The following CCER1 variants were observed in gnomAD, a reference collection of about 807,000 sequenced individuals.
CCER1 encodes the protein coiled-coil domain-containing glutamate-rich protein 1.
For missense variants in CCER1, 573 were observed against 524.5 expected, an observed-to-expected ratio of 1.09 and a Z score of -0.90; for synonymous variants, 246 against 213.8, an observed-to-expected ratio of 1.15 and a Z score of -1.31.
At position 90,953,612 on chromosome 12, in the gene CCER1, G is replaced by A. The variant is rs764042876; in HGVS notation, c.1131C>T (p.Asn377=). 7 of 1,613,992 alleles carry A rather than the reference G, an allele frequency of 4.3e-6. No homozygotes were observed. Among genetic ancestry groups the A allele is most frequent in the Admixed American group, 1.7e-5 (1 of 59,990 alleles). The part of the protein sequence containing the change: ...IFVEAEEKRE[N]FISCTFLNPE... ...GGTTTAAAAAAGTGCAGCTTATAAA[G>A]TTCTCTCTCTTTTCTTCAGCCTCTA... Residue 377 remains asparagine (N), a synonymous_variant, in exon 1 of 1, where the codon AAC becomes AAT. Transcript: ENST00000358859.
In CCER1 at chr12:90,953,783, TTCTTCCTCCTCATCTTCGACC is replaced by T. The variant is rs374196591; in HGVS notation, c.939_959del (p.Val314_Glu320del). 0.014 allele frequency: 21,042 copies of T among 1,541,848 alleles called. 255 individuals are homozygous for T. The highest frequency in any genetic ancestry group is 0.07 in the East Asian group (3,113 of 44,432). ...CCACATATTCAGCCTCTTCGACCTC[TTCTTCCTCCTCATCTTCGACC>T]TCTTCCTCCTCATCTTCGACCTCTT... On this transcript the variant is annotated inframe_deletion, in exon 1 of 1. Transcript: ENST00000358859.
rs555822584 is a variant in CCER1 at position 90,953,993 on chromosome 12, CAG to C, written c.748_749del (p.Leu250ValfsTer35). On this transcript the variant is annotated frameshift_variant, in exon 1 of 1. Transcript: ENST00000358859. LOFTEE classifies it low-confidence loss of function (END_TRUNC). ...GAGAGGGATTCTGCACAAAGCCATA[CAG>C]AGTTTCCTGCAGTCCCCAGGTTTCC... ...SKETWGLQET[L>X]YGFVQNPSLA... 253 of 1,614,214 alleles carry C rather than the reference CAG, an allele frequency of 1.6e-4. 2 individuals carry two copies. Among genetic ancestry groups the C allele is most frequent in the South Asian group, 1.2e-3 (110 of 91,086 alleles).
Position 90,953,964 on chromosome 12 carries a change from G to A in CCER1, c.779C>T (p.Ala260Val). 6.2e-7 allele frequency: 1 copy of A among 1,614,238 alleles called. No homozygotes were observed. Among genetic ancestry groups the A allele is most frequent in the Non-Finnish European group, 8.5e-7 (1 of 1,180,036 alleles). Residue 260 changes from alanine (A) to valine (V), a missense_variant, in exon 1 of 1, where the codon GCA (alanine) becomes GTA (valine). Coordinates refer to ENST00000358859, the MANE Select transcript of CCER1 (RefSeq NM_152638.4). ...LYGFVQNPSLAFSPNPEENQS... is the reference protein window; with the variant it reads ...LYGFVQNPSLVFSPNPEENQS... ...GTTTTCCTCTGGGTTGGGACTGAAT[G>A]CTAGAGAGGGATTCTGCACAAAGCC...
Position 90,953,412 on chromosome 12 carries a change from A to G in CCER1, c.*110T>C. The G allele has an allele frequency of 7.7e-7, 1 of 1,305,420 alleles. No individual in the cohort carries two copies. Among genetic ancestry groups the G allele is most frequent in the Non-Finnish European group, 1.0e-6 (1 of 971,046 alleles). 80.9% of individuals were successfully genotyped at this position (1,305,420 alleles called of 1,614,324 possible). On this transcript the variant is annotated 3_prime_UTR_variant, in exon 1 of 1. Coordinates refer to ENST00000358859, the MANE Select transcript of CCER1 (RefSeq NM_152638.4). Reference sequence around the variant, plus strand: ...TATAATGGCCAAAGAAGGTGTTTACATAGATCTGTTTATTAATGGAACTCA... The same window carrying G: ...TATAATGGCCAAAGAAGGTGTTTACGTAGATCTGTTTATTAATGGAACTCA...
Position 90,954,061 on chromosome 12 carries a change from C to G in CCER1, c.682G>C (p.Ala228Pro), listed in dbSNP as rs1201384456. The G allele has an allele frequency of 2.5e-6, 4 of 1,613,874 alleles. No individual in the cohort carries two copies. In the African/African-American group the frequency reaches 5.3e-5, roughly 22 times the overall value. ...GGCGCGTCGTTTCCGGAGGATCTGG[C>G]TGGGGAGGCCTCGCCGCTCACCGTG... ...KATVSGEASP[A>P]RSSGNDAPPG... is the part of the protein sequence containing the mutation. Residue 228 changes from alanine (A) to proline (P), a missense_variant, in exon 1 of 1, where the codon GCC becomes CCC. Ala to Pro is a conservative substitution (Grantham distance 27). Coordinates refer to ENST00000358859, the MANE Select transcript of CCER1 (RefSeq NM_152638.4).
chr12:90,953,706 ACCTCCTCTT>A lies in CCER1; in HGVS notation c.1028_1036del (p.Glu343_Glu345del). ...CCCTCTCTGCTCGTTCTCCTCCAGG[ACCTCCTCTT>A]CCTCTTCCAGCTCCTCCTCTTCCAG... On this transcript the variant is annotated inframe_deletion, in exon 1 of 1. Coordinates refer to ENST00000358859, the MANE Select transcript of CCER1 (RefSeq NM_152638.4). 2.5e-6 allele frequency: 4 copies of A among 1,610,600 alleles called. No homozygotes were observed. The highest frequency in any genetic ancestry group is 3.4e-6 in the Non-Finnish European group (4 of 1,177,716).
rs754549071 is a variant in CCER1, at chr12:90,953,771, C to T, written c.972G>A (p.Glu324=). The T allele has an allele frequency of 1.9e-6, 3 of 1,539,136 alleles. No individual in the cohort carries two copies. The highest frequency in any genetic ancestry group is 2.7e-5 in the African/African-American group (2 of 73,354). Residue 324 remains glutamate, a synonymous_variant, in exon 1 of 1, where the codon GAG becomes GAA. Transcript: ENST00000358859. The part of the protein sequence containing the change: ...VEDEEEEEVE[E]AEYVEEGEEE... ...CCTCTCCCTCCTCCACATATTCAGC[C>T]TCTTCGACCTCTTCTTCCTCCTCAT...
Position 90,954,350 on chromosome 12 carries a change from A to G in CCER1, c.393T>C (p.Pro131=), listed in dbSNP as rs1265825121. The change falls in exon 1 of 1, where the codon CCT becomes CCC. Residue 131 remains proline, a synonymous_variant. Coordinates refer to ENST00000358859, the MANE Select transcript of CCER1 (RefSeq NM_152638.4). ...TCCTGCCTGGGGGCTTCACCCAGCCAGGGTTCCAGGACCCGCTCCAGCAGG... is the reference window on the plus strand; with the variant it reads ...TCCTGCCTGGGGGCTTCACCCAGCCGGGGTTCCAGGACCCGCTCCAGCAGG... ...CCSCWSGSWN[P]GWVKPPGRKK... 2 of 1,609,208 alleles carry G rather than the reference A, an allele frequency of 1.2e-6. No homozygotes were observed. Among genetic ancestry groups the G allele is most frequent in the East Asian group, 2.2e-5 (1 of 44,852 alleles).
Position 90,954,813 on chromosome 12 carries a change from G to T in CCER1, c.-71C>A, listed in dbSNP as rs773877156. On this transcript the variant is annotated 5_prime_UTR_variant, in exon 1 of 1. Coordinates refer to ENST00000358859, the MANE Select transcript of CCER1 (RefSeq NM_152638.4). ...GTCGTCAAGTTTTGCCAGGTAGGAC[G>T]GTCAGAAGAGCCTCGTCTCGTCAAC... The T allele has an allele frequency of 1.3e-6, 2 of 1,482,264 alleles. No individual in the cohort carries two copies. The highest frequency in any genetic ancestry group is 9.0e-7 in the Non-Finnish European group (1 of 1,112,142). The allele number at this position is 1,482,264 out of a possible 1,614,324, so 91.8% of individuals were successfully genotyped here. A position where few individuals can be genotyped will look rare whatever the true frequency, so the allele number is the denominator to read the frequency against.
In CCER1 at chr12:90,954,223, T is replaced by C. The variant is rs1258372832; in HGVS notation, c.520A>G (p.Lys174Glu). 1 of 1,607,652 alleles carries C rather than the reference T, an allele frequency of 6.2e-7. No individual in the cohort carries two copies. Among genetic ancestry groups the C allele is most frequent in the African/African-American group, 1.3e-5 (1 of 75,072 alleles). ...ADVSTLPRPV[K>E]LYEWREPGMR... ...CCAGGCTCTCTCCACTCATACAGCT[T>C]GACCGGCCGCGGCAGCGTGCTCACA... Residue 174 changes from lysine to glutamate, a missense_variant, in exon 1 of 1, where the codon AAG (lysine) becomes GAG (glutamate). Physicochemically the swap from Lys to Glu is moderately conservative, Grantham distance 56. Transcript: ENST00000358859.
Position 90,955,070 on chromosome 12 carries a change from G to T in CCER1, c.-328C>A. ...CCACTCCCGGGTCCCCACCACACCC[G>T]GCTCTGCTGAGGCACGGGCTGGGGC... On this transcript the variant is annotated 5_prime_UTR_variant, in exon 1 of 1. Transcript: ENST00000358859. 1 of 416,486 alleles carries T rather than the reference G, an allele frequency of 2.4e-6. No homozygotes were observed. The highest frequency in any genetic ancestry group is 2.0e-5 in the African/African-American group (1 of 49,300). 25.8% of individuals were successfully genotyped at this position (416,486 alleles called of 1,614,324 possible).
chr12:90,953,638 C>A lies in CCER1; in HGVS notation c.1105G>T (p.Val369Leu). ...LPLEMPLSIF[V>L]EAEEKRENFI... ...TTCTCTCTCTTTTCTTCAGCCTCTA[C>A]GAAGATTGATAAAGGCATTTCCAGA... Residue 369 changes from valine to leucine, a missense_variant, in exon 1 of 1, where the codon GTA (valine) becomes TTA (leucine). Coordinates refer to ENST00000358859, the MANE Select transcript of CCER1 (RefSeq NM_152638.4). 1.9e-6 allele frequency: 3 copies of A among 1,614,140 alleles called. No homozygotes were observed. Among genetic ancestry groups the A allele is most frequent in the Non-Finnish European group, 2.5e-6 (3 of 1,180,018 alleles).
rs11105882 is a variant in CCER1 at position 90,953,885 on chromosome 12, A to C, written c.858T>G (p.Asp286Glu). ...ACACCTCCTGGTCATACTCCTCCTC[A>C]TCATCATTTTTCTTCTCCTCCTCTT... Reference protein sequence around the residue: ...VEEEEEKKNDDEEEYDQEVCD... With the variant: ...VEEEEEKKNDEEEEYDQEVCD... Residue 286 changes from aspartate to glutamate, a missense_variant, in exon 1 of 1, where the codon GAT becomes GAG. Physicochemically the swap from Asp to Glu is conservative, Grantham distance 45 (BLOSUM62 2). Coordinates refer to ENST00000358859, the MANE Select transcript of CCER1 (RefSeq NM_152638.4). 6.2e-6 allele frequency: 10 copies of C among 1,612,764 alleles called. No individual in the cohort carries two copies. In the Admixed American group the frequency reaches 1.0e-4, roughly 16 times the overall value.
rs1256511748 is a variant in CCER1, at chr12:90,953,794, C to G, written c.949G>C (p.Glu317Gln). 2 of 1,497,354 alleles carry G rather than the reference C, an allele frequency of 1.3e-6. No homozygotes were observed. Among genetic ancestry groups the G allele is most frequent in the African/African-American group, 2.7e-5 (2 of 72,748 alleles). The allele number at this position is 1,497,354 out of a possible 1,614,324, so 92.8% of individuals were successfully genotyped here. A position where few individuals can be genotyped will look rare whatever the true frequency, so the allele number is the denominator to read the frequency against. The change falls in exon 1 of 1, where the codon GAG becomes CAG. Residue 317 changes from glutamate (E) to glutamine (Q), a missense_variant. By Grantham distance (29) the Glu-to-Gln change is conservative (BLOSUM62 2). Coordinates refer to ENST00000358859, the MANE Select transcript of CCER1 (RefSeq NM_152638.4). ...VEDEEEEVED[E>Q]EEEEVEEAEY... ...GCCTCTTCGACCTCTTCTTCCTCCT[C>G]ATCTTCGACCTCTTCCTCCTCATCT...
rs754066601 is a variant in CCER1 at position 90,955,067 on chromosome 12, C to T, written c.-325G>A. The T allele has an allele frequency of 1.3e-4, 55 of 417,352 alleles. No individual in the cohort carries two copies. The highest frequency in any genetic ancestry group is 2.1e-4 in the Non-Finnish European group (47 of 224,304). The allele number at this position is 417,352 out of a possible 1,614,324, so 25.9% of individuals were successfully genotyped here. The stretch of plus-strand genomic sequence containing the variant: ...GACCCACTCCCGGGTCCCCACCACA[C>T]CCGGCTCTGCTGAGGCACGGGCTGG... On this transcript the variant is annotated 5_prime_UTR_variant, in exon 1 of 1. The change creates a new upstream start codon in the 5' untranslated region. Coordinates refer to ENST00000358859, the MANE Select transcript of CCER1 (RefSeq NM_152638.4).
Position 90,954,483 on chromosome 12 carries a change from C to G in CCER1, c.260G>C (p.Cys87Ser). The G allele has an allele frequency of 3.1e-6, 5 of 1,610,130 alleles. No homozygotes were observed. The highest frequency in any genetic ancestry group is 4.2e-6 in the Non-Finnish European group (5 of 1,177,254). The part of the protein sequence containing the change: ...FQPPVCSNWG[C>S]WGGPWRPPPP... ...GGGTGGGCGCCAGGGCCCTCCCCAG[C>G]ACCCCCAGTTAGAGCACACGGGTGG... The change falls in exon 1 of 1, where the codon TGC (cysteine) becomes TCC (serine). Residue 87 changes from cysteine (C) to serine (S), a missense_variant. Cys to Ser is a moderately radical substitution (Grantham distance 112). Transcript: ENST00000358859.
chr12:90,953,609 A>G lies in CCER1; in HGVS notation c.1134T>C (p.Phe378=), dbSNP rs2120763742. 6.2e-7 allele frequency: 1 copy of G among 1,614,128 alleles called. No individual in the cohort carries two copies. The highest frequency in any genetic ancestry group is 2.2e-5 in the East Asian group (1 of 44,868). Residue 378 remains phenylalanine (F), a synonymous_variant, in exon 1 of 1, where the codon TTT becomes TTC. Transcript: ENST00000358859. ...FVEAEEKREN[F]ISCTFLNPEQ... ...CTGGGTTTAAAAAAGTGCAGCTTAT[A>G]AAGTTCTCTCTCTTTTCTTCAGCCT... is the stretch of plus-strand genomic sequence containing the variant.
At position 90,954,550 on chromosome 12, in the gene CCER1, T is replaced by C. The variant is rs747323020; in HGVS notation, c.193A>G (p.Lys65Glu). The change falls in exon 1 of 1, where the codon AAG becomes GAG. Residue 65 changes from lysine to glutamate, a missense_variant. Lys to Glu is a moderately conservative substitution (Grantham distance 56, BLOSUM62 1). Transcript: ENST00000358859. ...SPKTEYGPPR[K>E]QPKQQHGPGF... ...GGGCCGTGCTGTTGCTTCGGCTGCT[T>C]CCTTGGGGGCCCATACTCGGTCTTG... 4 of 1,613,594 alleles carry C rather than the reference T, an allele frequency of 2.5e-6. No homozygotes were observed. The Admixed American group carries it at 5.0e-5, about 20-fold the overall frequency.
In CCER1 at chr12:90,953,224, A is replaced by G; in HGVS notation, c.*298T>C. On this transcript the variant is annotated 3_prime_UTR_variant, in exon 1 of 1. Transcript: ENST00000358859. ...TTTCAGCATTGCCAGATTTAAAAAA[A>G]CAACAGCAACTCTGTTTTCTAGAGG... 1 of 300,604 alleles carries G rather than the reference A, an allele frequency of 3.3e-6. No homozygotes were observed. The highest frequency in any genetic ancestry group is 6.1e-6 in the Non-Finnish European group (1 of 164,988). 18.6% of individuals were successfully genotyped at this position (300,604 alleles called of 1,614,324 possible).
Sources: allele counts gnomAD v4.1 joint callset, GRCh38; gene constraint gnomAD v4.1.1; transcripts MANE v1.5; gene names NCBI Gene and HGNC (gene_info 2026-07-23, HGNC 2026-07-21).